The following BMS1 variants were observed in gnomAD, a reference collection of about 807,000 sequenced individuals.
The protein encoded by BMS1 is ribosome biogenesis protein BMS1 homolog.
Under a neutral mutation model 138.7 loss-of-function variants are expected in BMS1, and 53 were observed. The ratio of observed to expected loss-of-function variants is 0.38; its 90% CI spans 0.31 to 0.48. BMS1 has a LOEUF of 0.48. BMS1 is among the 20% of genes least tolerant of loss of function. The pLI is 0.97. For synonymous variants in BMS1, 504 were observed against 539.9 expected (o/e 0.93, Z 0.92); for missense variants, 1,360 against 1,565.5 (o/e 0.87, Z 2.22).
intron 9 of BMS1, 94 bp from the exon 10 acceptor site, chr10:42,796,380 C>A: frequency 7.6e-7 from 1 of 1,316,410 alleles, no homozygotes; most frequent in Non-Finnish European, 1.0e-6. Flanking sequence ...TTGACATTTT[C>A]TATTTCTTTG....
At chr10:42,818,283 C>CA (rs1358158319) in intron 15 of BMS1, among the ~76,000 whole-genome samples, 3 of 152,226 alleles carry the variant, frequency 2.0e-5, no homozygotes, top group Non-Finnish European at 4.4e-5. Context: ...ACTAGGCTAA[C>CA]TCTGAAGTTT....
rs758672276 is a variant in BMS1, at chr10:42,797,519, G to A, written c.2085G>A (p.Gly695=). Residue 695 remains glycine (G), a synonymous_variant, in exon 11 of 23, where the codon GGG becomes GGA. Transcript: ENST00000374518. ...CAAACCTCCGAAAGCTTATTTATGG[G>A]ACAGGTAAAGAATTCTGGTTCAGAA... ...AAPNLRKLIY[G]TVTEDNEEED... The A allele has an allele frequency of 1.2e-5, 20 of 1,613,810 alleles. No individual in the cohort carries two copies. Among genetic ancestry groups the A allele is most frequent in the Middle Eastern group, 1.6e-4 (1 of 6,082 alleles).
chr10:42,784,684 A>G (rs917014153), intron 2 of BMS1, 114 bp downstream of exon 2: 2 of 1,250,568 alleles, frequency 1.6e-6, no homozygotes, highest in African/African-American at 1.5e-5. Context: ...AAGGACATGG[A>G]GATTCATGGT....
Position 42,820,984 on chromosome 10 carries a change from G to T in BMS1, c.3001G>T (p.Gly1001Cys), listed in dbSNP as rs528506437. 5 of 1,584,780 alleles carry T rather than the reference G, an allele frequency of 3.2e-6. No individual in the cohort carries two copies. The Admixed American group carries it at 8.3e-5, about 26-fold the overall frequency. The change falls in exon 18 of 23, where the codon GGC becomes TGC. Residue 1001 changes from glycine (G) to cysteine (C), a missense_variant. Gly to Cys is a radical substitution (Grantham distance 159, BLOSUM62 -3). Transcript: ENST00000374518. Reference sequence around the variant, plus strand: ...TTTCTTGGCAATACAGTCTGTCAGTGGCATAATGGTAACTATCTTGGATGA... The same window carrying T: ...TTTCTTGGCAATACAGTCTGTCAGTTGCATAATGGTAACTATCTTGGATGA... Reference protein sequence around the residue: ...TGFLAIQSVSGIMPDFRIAAT... With the variant: ...TGFLAIQSVSCIMPDFRIAAT...
At chr10:42,825,482 T>A (rs1265491509) in intron 21 of BMS1, among the ~76,000 whole-genome samples, 1 of 152,198 alleles carries the variant, frequency 6.6e-6, no homozygotes, top group Admixed American at 6.5e-5. Context: ...ATCAATGTTT[T>A]ATGGTTTTCA....
chr10:42,830,833 A>G (rs1234465004), intron 22 of BMS1, 33 bp from the exon 23 acceptor site: 7 of 1,570,326 alleles, frequency 4.5e-6, no homozygotes, highest in Middle Eastern at 1.7e-4. Context: ...GTCTGAGAGC[A>G]TTCTGATACT....
At chr10:42,823,380 G>T in intron 20 of BMS1, 115 bp downstream of exon 20, 1 of 1,374,162 alleles carries the variant, frequency 7.3e-7, no homozygotes, top group Non-Finnish European at 9.8e-7. Context: ...TCCAGCCTTA[G>T]ATCTCCCAGT....
intron 13 of BMS1, among the ~76,000 whole-genome samples, chr10:42,809,139 ATATT>A (rs754875363): frequency 9.2e-5 from 14 of 152,254 alleles, no homozygotes; most frequent in South Asian, 8.3e-4. Flanking sequence ...TGAACACAGT[ATATT>A]TATTTATTTT....
intron 3 of BMS1, among the ~76,000 whole-genome samples, chr10:42,786,794 A>T (rs781398635): frequency 3.3e-5 from 5 of 152,048 alleles, no homozygotes; most frequent in Non-Finnish European, 5.9e-5. Flanking sequence ...ATTCTGTTGC[A>T]TTATGTTTGA....
chr10:42,816,647 A>G lies in BMS1; in HGVS notation c.2378A>G (p.Lys793Arg). The part of the protein sequence containing the change: ...FEDLETGDVH[K>R]GKSGPNTQNE... The stretch of plus-strand genomic sequence containing the variant: ...GACTTGGAAACAGGGGACGTGCACA[A>G]GGGAAAATCAGGCCCCAATACTCAG... Residue 793 changes from lysine to arginine, a missense_variant, in exon 14 of 23, where the codon AAG (lysine) becomes AGG (arginine). Transcript: ENST00000374518. The G allele has an allele frequency of 1.9e-6, 3 of 1,611,616 alleles. No homozygotes were observed. Among genetic ancestry groups the G allele is most frequent in the African/African-American group, 2.7e-5 (2 of 74,974 alleles).
chr10:42,830,145 C>T (rs112097011), intron 21 of BMS1, 116 bp from the exon 22 acceptor site: 94,609 of 1,202,848 alleles, frequency 0.079, 4,398 homozygotes, highest in African/African-American at 0.17. Flanking sequence ...GGCCGGCAGA[C>T]TCTGGTGTTA....
chr10:42,819,665 TTTCCAGTG>T (rs1842446036), intron 15 of BMS1, among the ~76,000 whole-genome samples: 1 of 152,330 alleles, frequency 6.6e-6, no homozygotes, highest in East Asian at 1.9e-4. Context: ...ACTGGGGACG[TTTCCAGTG>T]TTCGGGCATG....
intron 5 of BMS1, among the ~76,000 whole-genome samples, chr10:42,791,062 G>C (rs1841490730): frequency 6.6e-6 from 1 of 151,938 alleles, no homozygotes; most frequent in South Asian, 2.1e-4. Context: ...CTGGCCTGCT[G>C]AATTCCTTTG....
chr10:42,804,323 A>G (rs1305618359), intron 13 of BMS1, among the ~76,000 whole-genome samples: 3 of 152,208 alleles, frequency 2.0e-5, no homozygotes, highest in African/African-American at 7.2e-5. Context: ...CTGTTTTCCA[A>G]AGTGTTTATA....
chr10:42,793,077 G>T lies in BMS1; in HGVS notation c.1022G>T (p.Gly341Val). 1.2e-6 allele frequency: 2 copies of T among 1,614,044 alleles called. No individual in the cohort carries two copies. Among genetic ancestry groups the T allele is most frequent in the Non-Finnish European group, 1.7e-6 (2 of 1,179,972 alleles). ...AAGCTGGTTTATGCGCCTCTTTCTGGAGTTGGGGGTGTGCTGTATGACAAA... is the reference window on the plus strand; with the variant it reads ...AAGCTGGTTTATGCGCCTCTTTCTGTAGTTGGGGGTGTGCTGTATGACAAA... ...KEKLVYAPLSGVGGVLYDKDA... is the reference protein window; with the variant it reads ...KEKLVYAPLSVVGGVLYDKDA... Residue 341 changes from glycine (G) to valine (V), a missense_variant, in exon 8 of 23, where the codon GGA (glycine) becomes GTA (valine). Transcript: ENST00000374518.
rs377058786 is a variant in BMS1 at position 42,830,395 on chromosome 10, C to G, written c.3591C>G (p.Ala1197=). The change falls in exon 22 of 23, where the codon GCC becomes GCG. Residue 1197 remains alanine, a synonymous_variant. Coordinates refer to ENST00000374518, the MANE Select transcript of BMS1 (RefSeq NM_014753.4). ...GKVPKDRRRP[A]VIREPHERKI... ...TGCCAAAGGACAGGCGGAGACCGGC[C>G]GTCATACGCGAGCCTCATGAAAGAA... 1.2e-6 allele frequency: 2 copies of G among 1,610,816 alleles called. No homozygotes were observed. The highest frequency in any genetic ancestry group is 1.7e-6 in the Non-Finnish European group (2 of 1,179,356).
intron 1 of BMS1, 94 bp downstream of exon 1, chr10:42,782,924 C>G (rs980954884): frequency 6.6e-6 from 1 of 152,526 alleles, no homozygotes; most frequent in Non-Finnish European, 1.5e-5. Context: ...AGGTCCTCCC[C>G]CGGTCCTCCG....
chr10:42,794,610 G>A (rs1039962913), intron 9 of BMS1, among the ~76,000 whole-genome samples: 6 of 150,960 alleles, frequency 4.0e-5, no homozygotes, highest in African/African-American at 9.8e-5. Context: ...TGACAGGTAC[G>A]AAGTGTTCGC....
intron 4 of BMS1, among the ~76,000 whole-genome samples, chr10:42,788,609 T>C (rs549200411): frequency 6.6e-6 from 1 of 152,300 alleles, no homozygotes; most frequent in South Asian, 2.1e-4. Flanking sequence ...TTTGTACCTG[T>C]TAACCTTTCC....
Sources: gnomAD v4.1 joint callset for allele counts (sites outside exome capture counted in the v4.1 genomes callset) on GRCh38, gnomAD v4.1.1 for gene constraint, MANE v1.5 for transcripts, NCBI Gene and HGNC (gene_info 2026-07-23, HGNC 2026-07-21) for gene names.